The following PRKN variants were observed in gnomAD, a reference collection of about 807,000 sequenced individuals.
The protein encoded by PRKN is parkin RBR E3 ubiquitin protein ligase.
Under a neutral mutation model 59.5 loss-of-function variants are expected in PRKN, and 56 were observed. That is an observed-to-expected ratio of 0.94 (90% CI 0.76 to 1.18). The LOEUF (loss-of-function observed/expected upper bound fraction) is 1.18, where lower values mean the gene tolerates loss of function less well. Among genes scored for constraint, PRKN ranks in the 50% most tolerant of loss-of-function variants. PRKN has a pLI of 0.00. For missense variants in PRKN, 657 were observed against 596.4 expected (o/e 1.10, Z -1.06); for synonymous variants, 250 against 222.1 (o/e 1.13, Z -1.12).
intron 4 of PRKN, among the ~76,000 whole-genome samples, chr6:162,111,259 A>G (rs979946912): frequency 6.6e-6 from 1 of 152,036 alleles, no homozygotes; most frequent in Non-Finnish European, 1.5e-5. Context: ...AGGTCAGGAG[A>G]TCGAGACCAT....
intron 5 of PRKN, among the ~76,000 whole-genome samples, chr6:162,006,323 C>T (rs1782251998): frequency 6.6e-6 from 1 of 152,096 alleles, no homozygotes. Context: ...GATGCTTTTG[C>T]CCCATATTCT....
intron 9 of PRKN, among the ~76,000 whole-genome samples, chr6:161,469,227 TAGTG>T (rs1322103793): frequency 2.0e-5 from 3 of 152,200 alleles, no homozygotes; most frequent in East Asian, 3.9e-4. Flanking sequence ...GTTCTTGTGA[TAGTG>T]AGTGAGTTCT....
At chr6:162,074,655 G>T (rs1409775196) in intron 4 of PRKN, among the ~76,000 whole-genome samples, 1 of 151,998 alleles carries the variant, frequency 6.6e-6, no homozygotes, top group Admixed American at 6.6e-5. Flanking sequence ...CATTTCTTAA[G>T]AATAATTCTC....
chr6:162,538,874 A>G (rs1375539581), intron 1 of PRKN, among the ~76,000 whole-genome samples: 4 of 152,232 alleles, frequency 2.6e-5, no homozygotes, highest in Non-Finnish European at 5.9e-5. Flanking sequence ...CATGCTTGGT[A>G]GCATGGGTGT....
chr6:161,794,313 T>C (rs1422158079), intron 6 of PRKN, among the ~76,000 whole-genome samples: 1 of 152,140 alleles, frequency 6.6e-6, no homozygotes, highest in Non-Finnish European at 1.5e-5. Context: ...AGTCAAGATT[T>C]AGGAGTGGCC....
chr6:162,462,834 C>T (rs1791236388), intron 1 of PRKN, among the ~76,000 whole-genome samples: 1 of 152,112 alleles, frequency 6.6e-6, no homozygotes, highest in Non-Finnish European at 1.5e-5. Flanking sequence ...TGGCTCACGT[C>T]TGTAATCCTA....
intron 2 of PRKN, among the ~76,000 whole-genome samples, chr6:162,337,755 A>T (rs990863853): frequency 6.6e-6 from 1 of 152,218 alleles, no homozygotes; most frequent in African/African-American, 2.4e-5. Context: ...CATTTATGAA[A>T]GAGACATAGG....
At chr6:162,530,665 C>T (rs2846473) in intron 1 of PRKN, among the ~76,000 whole-genome samples, 1 of 152,028 alleles carries the variant, frequency 6.6e-6, no homozygotes, top group Non-Finnish European at 1.5e-5. Context: ...AAGTCCAAGT[C>T]ATGCATGAGG....
intron 6 of PRKN, among the ~76,000 whole-genome samples, chr6:161,962,347 G>A (rs1626020): frequency 0.38 from 58,025 of 151,834 alleles, 11,388 homozygotes; most frequent in South Asian, 0.51. Context: ...CTAGTTTATA[G>A]CAAATTGCTA....
intron 6 of PRKN, among the ~76,000 whole-genome samples, chr6:161,794,030 C>G (rs1397579818): frequency 2.0e-5 from 3 of 152,058 alleles, no homozygotes; most frequent in African/African-American, 4.8e-5. Context: ...TGTGGACCCT[C>G]CTGTCAGGCA....
rs550574280 is a variant in PRKN at position 161,447,580 on chromosome 6, G to A, written c.1084-60703C>T. ...GTGATCTCAGCTCACTGCAACCTCC[G>A]CCTCCCGGGTTCAAGCGATGCTCCT... On this transcript the variant is annotated intron_variant, in intron 9 of 11. Coordinates refer to ENST00000366898, the MANE Select transcript of PRKN (RefSeq NM_004562.3). This position sits in a 1 kb window ranked among gnomAD's most constrained non-coding sequence, Gnocchi z 4.1. 5.9e-4 allele frequency among the ~76,000 whole-genome samples: 89 copies of A among 152,114 alleles called. No homozygotes were observed. Among genetic ancestry groups the A allele is most frequent in the African/African-American group, 2.0e-3 (84 of 41,508 alleles).
intron 7 of PRKN, among the ~76,000 whole-genome samples, chr6:161,678,904 G>C (rs1462394714): frequency 6.6e-6 from 1 of 152,106 alleles, no homozygotes; most frequent in Admixed American, 6.6e-5. Flanking sequence ...TAATTTTCAG[G>C]CATGGCAACA....
intron 5 of PRKN, among the ~76,000 whole-genome samples, chr6:162,029,304 T>C (rs1783553627): frequency 6.6e-6 from 1 of 152,124 alleles, no homozygotes; most frequent in African/African-American, 2.4e-5. Context: ...AAAAATTGGG[T>C]TAAAGTTTGC....
At chr6:162,298,718 G>A (rs1190613332) in intron 2 of PRKN, among the ~76,000 whole-genome samples, 3 of 151,414 alleles carry the variant, frequency 2.0e-5, no homozygotes, top group South Asian at 4.2e-4. Flanking sequence ...ATCTTGGGGA[G>A]AGGGAGAATG....
intron 2 of PRKN, among the ~76,000 whole-genome samples, chr6:162,395,703 A>T (rs1787441336): frequency 1.3e-5 from 2 of 152,186 alleles, no homozygotes; most frequent in Admixed American, 1.3e-4. Flanking sequence ...TGCAAAAAAA[A>T]AAAGAAAGTT....
chr6:162,129,828 A>G (rs940654640), intron 4 of PRKN, among the ~76,000 whole-genome samples: 1 of 152,194 alleles, frequency 6.6e-6, no homozygotes, highest in Non-Finnish European at 1.5e-5. Flanking sequence ...CAGTAAGTCC[A>G]AAACTATTTT....
chr6:162,409,565 T>C (rs1472228191), intron 2 of PRKN, among the ~76,000 whole-genome samples: 2 of 152,186 alleles, frequency 1.3e-5, no homozygotes, highest in Non-Finnish European at 2.9e-5. Flanking sequence ...TCAAACATGA[T>C]AGAATATTAG....
At chr6:162,149,227 TAA>T (rs1782156873) in intron 4 of PRKN, among the ~76,000 whole-genome samples, 1 of 152,088 alleles carries the variant, frequency 6.6e-6, no homozygotes, top group Non-Finnish European at 1.5e-5. Flanking sequence ...AAATAAAATA[TAA>T]GACTTTACTT....
intron 3 of PRKN, among the ~76,000 whole-genome samples, chr6:162,206,811 C>A (rs550471464): frequency 3.3e-5 from 5 of 152,268 alleles, no homozygotes; most frequent in Admixed American, 2.0e-4. Flanking sequence ...CAGGGCTTGA[C>A]CACATTTGCT....
Sources: gnomAD v4.1 joint callset for allele counts (sites outside exome capture counted in the v4.1 genomes callset) on GRCh38, gnomAD v4.1.1 for gene constraint, Gnocchi (gnomAD v3.1) non-coding constraint, MANE v1.5 for transcripts, NCBI Gene and HGNC (gene_info 2026-07-23, HGNC 2026-07-21) for gene names.